Variants in SLC4A7 observed in about 807,000 individuals in gnomAD.
SLC4A7 encodes the protein sodium bicarbonate cotransporter 3.
In SLC4A7, 51 loss-of-function variants were observed where a neutral mutation model predicts 137.6. The ratio of observed to expected loss-of-function variants is 0.37; its 90% confidence interval spans 0.30 to 0.47. The LOEUF is 0.47. Among genes scored for constraint, SLC4A7 ranks in the 20% least tolerant of loss-of-function variants. The pLI is 1.00. For synonymous variants in SLC4A7, 542 were observed against 518.6 expected (o/e 1.05, Z -0.61); for missense variants, 1,247 against 1,525.4 (o/e 0.82, Z 3.04).
intron 10 of SLC4A7, 95 bp downstream of exon 10, chr3:27,420,605 C>A: frequency 1.4e-6 from 1 of 731,060 alleles, no homozygotes; most frequent in Admixed American, 3.0e-5. Context: ...AGTTTTAGAG[C>A]TTCACTATGA....
Position 27,418,600 on chromosome 3 carries a change from G to A in SLC4A7, c.1545C>T (p.Asp515=). The part of the protein sequence containing the change: ...IFHDVAYKAK[D]RNDLLSGIDE... ...CAATTCCAGATAAGAGGTCATTTCT[G>A]TCTTTTGCTTTATAAGCTACATCAT... Residue 515 remains aspartate, a synonymous_variant, in exon 11 of 26, where the codon GAC becomes GAT. Transcript: ENST00000454389. 6.3e-6 allele frequency: 10 copies of A among 1,596,428 alleles called. No individual in the cohort carries two copies. The highest frequency in any genetic ancestry group is 8.6e-6 in the Non-Finnish European group (10 of 1,165,756).
At chr3:27,400,710 A>G in intron 16 of SLC4A7, 54 bp downstream of exon 16, 1 of 1,033,196 alleles carries the variant, frequency 9.7e-7, no homozygotes, top group Admixed American at 2.2e-5. Context: ...AGAAAAAGCT[A>G]AAAGAACCAG....
intron 10 of SLC4A7, 114 bp from the exon 11 acceptor site, chr3:27,418,746 C>G: frequency 1.6e-6 from 1 of 632,366 alleles, no homozygotes; most frequent in Non-Finnish European, 2.7e-6. Flanking sequence ...CCCCTAAACT[C>G]TTATCTCAGG....
At chr3:27,437,244 G>T in intron 4 of SLC4A7, 144 bp downstream of exon 4, 1 of 422,152 alleles carries the variant, frequency 2.4e-6, no homozygotes, top group Non-Finnish European at 4.1e-6. Flanking sequence ...TCAGCTACTC[G>T]GGAGGCTGAG....
chr3:27,483,248 A>C (rs879761779), intron 1 of SLC4A7, among the ~76,000 whole-genome samples: 2 of 152,268 alleles, frequency 1.3e-5, no homozygotes, highest in Admixed American at 1.3e-4. Context: ...CCGTTCACCC[A>C]TCATCACAAA....
intron 1 of SLC4A7, among the ~76,000 whole-genome samples, chr3:27,483,424 G>T (rs1303949276): frequency 2.0e-5 from 3 of 152,202 alleles, no homozygotes; most frequent in African/African-American, 7.2e-5. Flanking sequence ...TACTCCCCGG[G>T]TCCCAGCCAG....
rs1461394474 is a variant in SLC4A7, at chr3:27,379,362, G to T, written c.3591-6C>A. On this transcript the variant is annotated splice_polypyrimidine_tract_variant and splice_region_variant and intron_variant, in intron 24 of 25. Transcript: ENST00000454389. The stretch of plus-strand genomic sequence containing the variant: ...TAACAATTGAGGGATCAACACTGAA[G>T]AACAAATACACTTTTTGGTTAGTAT... The T allele has an allele frequency of 2.7e-6, 4 of 1,457,708 alleles. No individual in the cohort carries two copies. The highest frequency in any genetic ancestry group is 2.8e-6 in the Non-Finnish European group (3 of 1,075,480). 90.3% of individuals were successfully genotyped at this position (1,457,708 alleles called of 1,614,324 possible). A position where few individuals can be genotyped will look rare whatever the true frequency, so the allele number is the denominator to read the frequency against.
chr3:27,458,755 C>T (rs1268487836), intron 1 of SLC4A7, among the ~76,000 whole-genome samples: 3 of 152,112 alleles, frequency 2.0e-5, no homozygotes, highest in Admixed American at 1.3e-4. Context: ...CCCTGGGAGG[C>T]CGAGGTGGGC....
intron 23 of SLC4A7, among the ~76,000 whole-genome samples, chr3:27,384,603 T>C (rs1253677420): frequency 2.0e-5 from 3 of 152,178 alleles, no homozygotes; most frequent in Non-Finnish European, 4.4e-5. Context: ...ATACAGAAAG[T>C]AACAAACAGG....
At position 27,382,359 on chromosome 3, in the gene SLC4A7, C is replaced by T. The variant is rs1031508944; in HGVS notation, c.3590+794G>A. Among the ~76,000 whole-genome samples, 12 of 152,188 alleles carry T rather than the reference C, an allele frequency of 7.9e-5. No individual in the cohort carries two copies. In the East Asian group the frequency reaches 2.4e-3, roughly 30 times the overall value. On this transcript the variant is annotated intron_variant, in intron 24 of 25. Coordinates refer to ENST00000454389, the MANE Select transcript of SLC4A7 (RefSeq NM_001321103.2). ...TGAACTCCTGACCTCAGGTGATCCACCTGCCTCAGCCTCCCAAAGTGCTGG... is the reference window on the plus strand; with the variant it reads ...TGAACTCCTGACCTCAGGTGATCCATCTGCCTCAGCCTCCCAAAGTGCTGG...
intron 1 of SLC4A7, among the ~76,000 whole-genome samples, chr3:27,468,864 T>C (rs188500507): frequency 3.9e-5 from 6 of 152,232 alleles, no homozygotes; most frequent in African/African-American, 1.2e-4. Context: ...TCCTAGCATT[T>C]TGGGAGGCCG....
intron 1 of SLC4A7, among the ~76,000 whole-genome samples, chr3:27,461,450 G>A (rs1432570630): frequency 6.6e-6 from 1 of 151,712 alleles, no homozygotes; most frequent in Admixed American, 6.6e-5. Flanking sequence ...TTTGAAGGCA[G>A]CCAATTACAA....
rs1410495539 is a variant in SLC4A7 at position 27,484,127 on chromosome 3, G to A, written c.-1C>T. 5 of 1,378,748 alleles carry A rather than the reference G, an allele frequency of 3.6e-6. No homozygotes were observed. Among genetic ancestry groups the A allele is most frequent in the Non-Finnish European group, 4.7e-6 (5 of 1,061,848 alleles). 85.4% of individuals were successfully genotyped at this position (1,378,748 alleles called of 1,614,324 possible). On this transcript the variant is annotated 5_prime_UTR_variant, in exon 1 of 26. Coordinates refer to ENST00000454389, the MANE Select transcript of SLC4A7 (RefSeq NM_001321103.2). ...GCTCGCCGGCCCCATCAGCCTCCAT[G>A]GCCGGCCGGCCAGCCCGTGACGGCC... is the stretch of plus-strand genomic sequence containing the variant.
At chr3:27,421,167 T>C (rs1365849806) in intron 9 of SLC4A7, among the ~76,000 whole-genome samples, 1 of 152,010 alleles carries the variant, frequency 6.6e-6, no homozygotes, top group African/African-American at 2.4e-5. Context: ...GAGTCTTATA[T>C]TCAAAGTATT....
chr3:27,436,822 C>G (rs2056775513), intron 4 of SLC4A7, among the ~76,000 whole-genome samples: 1 of 151,994 alleles, frequency 6.6e-6, no homozygotes, highest in Non-Finnish European at 1.5e-5. Flanking sequence ...TATTCCTCTT[C>G]TAAACTTGCA....
intron 14 of SLC4A7, 82 bp from the exon 15 acceptor site, chr3:27,403,466 G>A (rs898651015): frequency 2.3e-5 from 19 of 842,276 alleles, no homozygotes; most frequent in Non-Finnish European, 3.0e-5. Context: ...CAAGCAATGG[G>A]AACAGCAAGA....
intron 20 of SLC4A7, among the ~76,000 whole-genome samples, chr3:27,393,946 T>C (rs543474058): frequency 6.6e-4 from 101 of 152,290 alleles, no homozygotes; most frequent in African/African-American, 2.4e-3. Flanking sequence ...CTCTTAAAAA[T>C]TACTGAGGTC....
At chr3:27,378,925 CAG>C (rs2050153955) in intron 25 of SLC4A7, among the ~76,000 whole-genome samples, 1 of 151,892 alleles carries the variant, frequency 6.6e-6, no homozygotes, top group Non-Finnish European at 1.5e-5. Context: ...TTTTTTGAGA[CAG>C]AGTTTCACTC....
chr3:27,446,765 A>T (rs991036274), intron 3 of SLC4A7, among the ~76,000 whole-genome samples: 1 of 151,548 alleles, frequency 6.6e-6, no homozygotes, highest in Non-Finnish European at 1.5e-5. Flanking sequence ...TTCACTAGTG[A>T]CCCTTTCCAA....
Sources: gnomAD v4.1 joint callset for allele counts (sites outside exome capture counted in the v4.1 genomes callset) on GRCh38, gnomAD v4.1.1 for gene constraint, MANE v1.5 for transcripts, NCBI Gene and HGNC (gene_info 2026-07-23, HGNC 2026-07-21) for gene names.